ZNF804A: variants seen among roughly 807,000 people sequenced by gnomAD.
The protein encoded by ZNF804A is zinc finger protein 804A.
ZNF804A carries 2 observed loss-of-function variants against 16.5 expected under a neutral mutation model. The ratio of observed to expected loss-of-function variants is 0.12; its 90% confidence interval spans 0.05 to 0.38. The LOEUF (loss-of-function observed/expected upper bound fraction) is 0.38. Ranked by LOEUF, ZNF804A falls within the 10% of genes least tolerant of loss-of-function variation. The pLI is 0.99. For missense variants in ZNF804A, 1,473 were observed against 1,390.7 expected, an observed-to-expected ratio of 1.06 and a Z score of -0.94; for synonymous variants, 534 against 489.6, an observed-to-expected ratio of 1.09 and a Z score of -1.20.
chr2:184,773,630 A>G (rs1558957694), intron 1 of ZNF804A, among the ~76,000 whole-genome samples: 1 of 151,906 alleles, frequency 6.6e-6, no homozygotes, highest in Non-Finnish European at 1.5e-5. Context: ...AGAATGATAC[A>G]GTGAACTTTG....
intron 1 of ZNF804A, among the ~76,000 whole-genome samples, chr2:184,698,440 T>C (rs1692868847): frequency 6.6e-6 from 1 of 152,114 alleles, no homozygotes; most frequent in African/African-American, 2.4e-5. Flanking sequence ...TCTCAGCAGC[T>C]GGAACATAAA....
At chr2:184,771,067 GC>G (rs1270804438) in intron 1 of ZNF804A, among the ~76,000 whole-genome samples, 6 of 151,990 alleles carry the variant, frequency 3.9e-5, no homozygotes, top group Admixed American at 2.0e-4. Flanking sequence ...ACAGTGGTAT[GC>G]CATACAGTAT....
chr2:184,682,680 C>A (rs770169165), intron 1 of ZNF804A, among the ~76,000 whole-genome samples: 21 of 152,198 alleles, frequency 1.4e-4, no homozygotes, highest in Non-Finnish European at 2.4e-4. Flanking sequence ...GCAAATCAAT[C>A]TGAATTTTGT....
At chr2:184,840,156 A>G (rs1469697001) in intron 1 of ZNF804A, among the ~76,000 whole-genome samples, 1 of 152,184 alleles carries the variant, frequency 6.6e-6, no homozygotes, top group Non-Finnish European at 1.5e-5. Flanking sequence ...TGGGAGGCCA[A>G]GGTGGGAGGA....
At chr2:184,876,741 T>C (rs1363192164) in intron 2 of ZNF804A, among the ~76,000 whole-genome samples, 1 of 152,182 alleles carries the variant, frequency 6.6e-6, no homozygotes, top group East Asian at 1.9e-4. Context: ...GTCAACCTTA[T>C]GGTTCTTCCT....
intron 2 of ZNF804A, among the ~76,000 whole-genome samples, chr2:184,885,836 A>T (rs1014072088): frequency 6.6e-6 from 1 of 152,136 alleles, no homozygotes; most frequent in Non-Finnish European, 1.5e-5. Flanking sequence ...CTCCCCAAGG[A>T]TCCCTCCCAC....
At chr2:184,789,347 T>C (rs1212489259) in intron 1 of ZNF804A, among the ~76,000 whole-genome samples, 1 of 152,100 alleles carries the variant, frequency 6.6e-6, no homozygotes, top group Non-Finnish European at 1.5e-5. Context: ...ACCTAATTCG[T>C]AGAATGAGTT....
intron 1 of ZNF804A, among the ~76,000 whole-genome samples, chr2:184,774,039 A>G (rs182911278): frequency 6.6e-5 from 10 of 152,000 alleles, no homozygotes; most frequent in African/African-American, 2.4e-4. Flanking sequence ...GCTGTCCTCC[A>G]CAGTTATTTA....
intron 1 of ZNF804A, among the ~76,000 whole-genome samples, chr2:184,721,736 G>A (rs892598921): frequency 6.6e-6 from 1 of 152,102 alleles, no homozygotes; most frequent in Non-Finnish European, 1.5e-5. Flanking sequence ...AATCTCACTA[G>A]TGTGTATTTA....
chr2:184,815,150 T>C (rs1694962711), intron 1 of ZNF804A, among the ~76,000 whole-genome samples: 1 of 151,988 alleles, frequency 6.6e-6, no homozygotes, highest in African/African-American at 2.4e-5. Flanking sequence ...CAGTGAGTGA[T>C]ACAGTGAAGT....
chr2:184,725,689 C>T (rs1459989152), intron 1 of ZNF804A, among the ~76,000 whole-genome samples: 1 of 151,098 alleles, frequency 6.6e-6, no homozygotes, highest in Non-Finnish European at 1.5e-5. Flanking sequence ...ATCATTTTAC[C>T]ACATAGGTAA....
intron 1 of ZNF804A, among the ~76,000 whole-genome samples, chr2:184,713,832 C>T (rs1039500259): frequency 6.6e-6 from 1 of 151,798 alleles, no homozygotes; most frequent in Non-Finnish European, 1.5e-5. Flanking sequence ...GAAAATTTGT[C>T]CTTAATGCAA....
In ZNF804A at chr2:184,752,484, G is replaced by C. The variant is rs1658245318; in HGVS notation, c.112-113885G>C. The stretch of plus-strand genomic sequence containing the variant: ...AGACACTGGAGACTCCAAAATGTGG[G>C]GGATAGGAGGAGGGTGAGGGTTGAA... On this transcript the variant is annotated intron_variant, in intron 1 of 3. Coordinates refer to ENST00000302277, the MANE Select transcript of ZNF804A (RefSeq NM_194250.2). Among the ~76,000 whole-genome samples, 4 of 151,550 alleles carry C rather than the reference G, an allele frequency of 2.6e-5. No homozygotes were observed. In the South Asian group the frequency reaches 8.3e-4, roughly 31 times the overall value.
At chr2:184,891,861 G>A (rs974902056) in intron 2 of ZNF804A, among the ~76,000 whole-genome samples, 2 of 152,058 alleles carry the variant, frequency 1.3e-5, no homozygotes, top group African/African-American at 4.8e-5. Context: ...ATTATAAATT[G>A]ACGTGACCTT....
chr2:184,829,923 C>G (rs112908521), intron 1 of ZNF804A, among the ~76,000 whole-genome samples: 1 of 66,466 alleles, frequency 1.5e-5, no homozygotes, highest in African/African-American at 7.4e-5. Context: ...AAAAAAAAAA[C>G]AAAAACAAAA....
intron 1 of ZNF804A, among the ~76,000 whole-genome samples, chr2:184,789,150 G>C (rs908322649): frequency 9.9e-5 from 15 of 151,966 alleles, no homozygotes; most frequent in Admixed American, 8.5e-4. Context: ...TTATTGTTTT[G>C]TGAATAGTGA....
intron 1 of ZNF804A, among the ~76,000 whole-genome samples, chr2:184,651,980 A>G (rs1343513524): frequency 6.6e-6 from 1 of 152,166 alleles, no homozygotes. Flanking sequence ...AAAAAGACAC[A>G]TGCACTCATA....
chr2:184,627,679 A>T (rs547618042), intron 1 of ZNF804A, among the ~76,000 whole-genome samples: 1 of 152,352 alleles, frequency 6.6e-6, no homozygotes, highest in South Asian at 2.1e-4. Flanking sequence ...TAAATAATTT[A>T]TCTTGAGCAT....
chr2:184,659,466 C>T (rs374001891), intron 1 of ZNF804A, among the ~76,000 whole-genome samples: 4 of 151,562 alleles, frequency 2.6e-5, no homozygotes, highest in Non-Finnish European at 5.9e-5. Flanking sequence ...TTTATATATA[C>T]CTATATATAA....
Sources: allele counts gnomAD v4.1 joint callset (sites outside exome capture counted in the v4.1 genomes callset), GRCh38; gene constraint gnomAD v4.1.1; transcripts MANE v1.5; gene names NCBI Gene and HGNC (gene_info 2026-07-23, HGNC 2026-07-21).